The following CAMTA1 variants were observed in gnomAD, a reference collection of about 807,000 sequenced individuals.
CAMTA1 encodes the protein calmodulin binding transcription activator 1.
In CAMTA1, 27 loss-of-function variants were observed where a neutral mutation model predicts 170.9. The observed-to-expected ratio is 0.16, with a 90% confidence interval of 0.12 to 0.22. The LOEUF is 0.22. Among genes scored for constraint, CAMTA1 ranks in the 10% least tolerant of loss-of-function variants. The probability of loss-of-function intolerance (pLI) is 1.00; values close to 1 mark genes in which losing one functional copy is unlikely to be tolerated. For missense variants in CAMTA1, 1,619 were observed against 2,217.2 expected, an observed-to-expected ratio of 0.73 and a Z score of 5.42; for synonymous variants, 833 against 891.5, an observed-to-expected ratio of 0.93 and a Z score of 1.17.
chr1:7,316,335 C>G (rs1254037489), intron 5 of CAMTA1, among the ~76,000 whole-genome samples: 1 of 152,142 alleles, frequency 6.6e-6, no homozygotes, highest in Admixed American at 6.5e-5. Flanking sequence ...CTCTTCTTAA[C>G]TAATTACATC....
intron 5 of CAMTA1, among the ~76,000 whole-genome samples, chr1:7,411,622 C>T (rs1202052614): frequency 6.6e-6 from 1 of 151,494 alleles, no homozygotes; most frequent in Non-Finnish European, 1.5e-5. Context: ...CCGAGGACAC[C>T]CTTGCTGGCA....
At chr1:7,017,969 G>GT (rs148191422) in intron 3 of CAMTA1, among the ~76,000 whole-genome samples, 31 of 147,870 alleles carry the variant, frequency 2.1e-4, no homozygotes, top group African/African-American at 2.7e-4. Flanking sequence ...AAGGTTTTTT[G>GT]TTTTTTTTTT....
chr1:7,569,583 C>T (rs997259652), intron 6 of CAMTA1, among the ~76,000 whole-genome samples: 2 of 151,864 alleles, frequency 1.3e-5, no homozygotes, highest in African/African-American at 4.8e-5. Flanking sequence ...ATCATCACAT[C>T]ACCATCATCA....
At chr1:7,524,361 A>G (rs1210199962) in intron 6 of CAMTA1, among the ~76,000 whole-genome samples, 1 of 152,110 alleles carries the variant, frequency 6.6e-6, no homozygotes, top group African/African-American at 2.4e-5. Context: ...TGGATTCACT[A>G]ATTAGTTCTA....
At chr1:6,897,059 T>C (rs914285069) in intron 3 of CAMTA1, among the ~76,000 whole-genome samples, 1 of 152,170 alleles carries the variant, frequency 6.6e-6, no homozygotes, top group African/African-American at 2.4e-5. Flanking sequence ...ATCAATTCAT[T>C]AGACTAGTTT....
In CAMTA1 at chr1:7,561,752, C is replaced by A. The variant is rs2094959933; in HGVS notation, c.511-78648C>A. ...TCACGACGCCTGTCAGAGGCCACCC[C>A]TCCCCAGCCCAACAGGCCATGGTGT... On this transcript the variant is annotated intron_variant, in intron 6 of 22. Transcript: ENST00000303635. This position sits in a 1 kb window ranked among gnomAD's most constrained non-coding sequence, Gnocchi z 5.3. Among the ~76,000 whole-genome samples, 1 of 151,998 alleles carries A rather than the reference C, an allele frequency of 6.6e-6. No homozygotes were observed. Among genetic ancestry groups the A allele is most frequent in the Non-Finnish European group, 1.5e-5 (1 of 67,974 alleles).
At chr1:6,877,769 T>C (rs1219333373) in intron 3 of CAMTA1, among the ~76,000 whole-genome samples, 1 of 152,078 alleles carries the variant, frequency 6.6e-6, no homozygotes, top group South Asian at 2.1e-4. Flanking sequence ...TCCTTTTGAG[T>C]ACTTTATACC....
intron 3 of CAMTA1, among the ~76,000 whole-genome samples, chr1:6,963,300 G>C (rs946132504): frequency 1.0e-3 from 38 of 36,666 alleles, no homozygotes; most frequent in Non-Finnish European, 1.0e-3. Context: ...TTTCCATCCC[G>C]GCCTTGCCCT....
intron 3 of CAMTA1, among the ~76,000 whole-genome samples, chr1:6,851,119 T>G (rs1660203257): frequency 6.6e-6 from 1 of 152,230 alleles, no homozygotes; most frequent in Non-Finnish European, 1.5e-5. Flanking sequence ...AACAACAGAC[T>G]ATGGAAGTGG....
At chr1:6,873,550 C>A (rs1668995714) in intron 3 of CAMTA1, among the ~76,000 whole-genome samples, 1 of 152,174 alleles carries the variant, frequency 6.6e-6, no homozygotes, top group African/African-American at 2.4e-5. Context: ...GAATCGGCTC[C>A]CCTGGGGCTC....
intron 3 of CAMTA1, among the ~76,000 whole-genome samples, chr1:7,081,230 T>A (rs947117572): frequency 6.6e-6 from 1 of 152,202 alleles, no homozygotes; most frequent in African/African-American, 2.4e-5. Context: ...ATTATAATAA[T>A]AATGATGATG....
chr1:6,935,134 A>G (rs1159957715), intron 3 of CAMTA1, among the ~76,000 whole-genome samples: 1 of 152,250 alleles, frequency 6.6e-6, no homozygotes, highest in Non-Finnish European at 1.5e-5. Context: ...TTTGATGACA[A>G]ATCTCTCACG....
chr1:6,802,773 C>T (rs576886984), intron 1 of CAMTA1, among the ~76,000 whole-genome samples: 34 of 151,398 alleles, frequency 2.2e-4, no homozygotes, highest in Non-Finnish European at 4.3e-4. Flanking sequence ...CTTATTCTGT[C>T]GCCCAGGCTG....
At chr1:7,675,259 A>AG (rs745584035) in intron 10 of CAMTA1, among the ~76,000 whole-genome samples, 1 of 152,190 alleles carries the variant, frequency 6.6e-6, no homozygotes, top group Non-Finnish European at 1.5e-5. Context: ...CAGGATAGTG[A>AG]GTGGGGTACG....
intron 3 of CAMTA1, among the ~76,000 whole-genome samples, chr1:7,023,320 T>A (rs757706793): frequency 5.3e-5 from 8 of 152,242 alleles, no homozygotes; most frequent in Non-Finnish European, 2.9e-5. Context: ...TTATGGGGGA[T>A]GATTCCTCAA....
chr1:7,456,639 T>C lies in CAMTA1; in HGVS notation c.439-11191T>C, dbSNP rs1475940928. On this transcript the variant is annotated intron_variant, in intron 5 of 22. Coordinates refer to ENST00000303635, the MANE Select transcript of CAMTA1 (RefSeq NM_015215.4). This position sits in a 1 kb window ranked among gnomAD's most constrained non-coding sequence, Gnocchi z 4.9. ...ACCCAGCTCAGAGAAAGCCTGTTCT[T>C]TGCTGGGGCCCGCAGGGAGCCAGGT... Among the ~76,000 whole-genome samples the C allele has an allele frequency of 1.3e-5, 2 of 152,182 alleles. No individual in the cohort carries two copies. Among genetic ancestry groups the C allele is most frequent in the African/African-American group, 4.8e-5 (2 of 41,450 alleles).
At chr1:7,119,861 G>A (rs76877538) in intron 4 of CAMTA1, among the ~76,000 whole-genome samples, 1 of 152,126 alleles carries the variant, frequency 6.6e-6, no homozygotes, top group Non-Finnish European at 1.5e-5. Context: ...TCTGAGGATG[G>A]TGCATAGCTA....
In CAMTA1 at chr1:7,482,337, G is replaced by C. The variant is rs572970396; in HGVS notation, c.510+14436G>C. On this transcript the variant is annotated intron_variant, in intron 6 of 22. Transcript: ENST00000303635. The surrounding 1 kb of genome is among the most constrained non-coding windows in gnomAD (Gnocchi z 4.2). ...GAATGGTGTCCATCCATCCAGCACCGGGCTTCCTGAGGGCAGGGCCAGGTC... is the reference window on the plus strand; with the variant it reads ...GAATGGTGTCCATCCATCCAGCACCCGGCTTCCTGAGGGCAGGGCCAGGTC... Among the ~76,000 whole-genome samples, 4 of 152,180 alleles carry C rather than the reference G, an allele frequency of 2.6e-5. No individual in the cohort carries two copies. In the East Asian group the frequency reaches 7.8e-4, roughly 30 times the overall value.
At chr1:7,355,945 A>C (rs1397927402) in intron 5 of CAMTA1, among the ~76,000 whole-genome samples, 2 of 152,268 alleles carry the variant, frequency 1.3e-5, no homozygotes, top group African/African-American at 4.8e-5. Context: ...GACTAAGCAC[A>C]AATGTCCCTT....
Sources: gnomAD v4.1 joint callset for allele counts (sites outside exome capture counted in the v4.1 genomes callset) on GRCh38, gnomAD v4.1.1 for gene constraint, Gnocchi (gnomAD v3.1) non-coding constraint, MANE v1.5 for transcripts, NCBI Gene and HGNC (gene_info 2026-07-23, HGNC 2026-07-21) for gene names.